GUCY2C: variants seen among roughly 807,000 people sequenced by gnomAD.
The protein encoded by GUCY2C is guanylyl cyclase C.
In GUCY2C, 118 loss-of-function variants were observed where a neutral mutation model predicts 131.1. The ratio of observed to expected loss-of-function variants is 0.90; its 90% CI spans 0.78 to 1.05. The LOEUF (loss-of-function observed/expected upper bound fraction) is 1.05. Among genes scored for constraint, GUCY2C ranks in the 50% least tolerant of loss-of-function variants. The pLI, the probability that GUCY2C is intolerant of heterozygous loss-of-function variation, is 0.00. For synonymous variants in GUCY2C, 452 were observed against 457.8 expected (o/e 0.99, Z 0.16); for missense variants, 1,161 against 1,304.4 (o/e 0.89, Z 1.69).
intron 7 of GUCY2C, among the ~76,000 whole-genome samples, chr12:14,674,967 T>G (rs1948196848): frequency 6.6e-6 from 1 of 151,992 alleles, no homozygotes; most frequent in Admixed American, 6.5e-5. Context: ...CCCAGCATTT[T>G]GGGAGGCTGA....
intron 12 of GUCY2C, among the ~76,000 whole-genome samples, chr12:14,654,626 G>T (rs183639591): frequency 6.6e-6 from 1 of 152,248 alleles, no homozygotes; most frequent in East Asian, 1.9e-4. Flanking sequence ...TATACTTCTA[G>T]GAATATTTAT....
intron 25 of GUCY2C, 55 bp from the exon 26 acceptor site, chr12:14,614,998 A>G (rs368245378): frequency 2.3e-5 from 20 of 864,666 alleles, no homozygotes; most frequent in Admixed American, 2.2e-4. Context: ...GTTCAGTTGT[A>G]GACCACTGTT....
intron 20 of GUCY2C, among the ~76,000 whole-genome samples, chr12:14,628,217 T>A (rs1300896091): frequency 6.6e-6 from 1 of 152,206 alleles, no homozygotes; most frequent in Admixed American, 6.5e-5. Context: ...CTCTGATTCA[T>A]GACATGTCTT....
intron 15 of GUCY2C, among the ~76,000 whole-genome samples, chr12:14,648,866 C>A (rs1297872430): frequency 6.6e-6 from 1 of 152,120 alleles, no homozygotes. Flanking sequence ...CAGATGAAGT[C>A]AGTTGTTATT....
At chr12:14,639,299 C>CAAA (rs34629608) in intron 19 of GUCY2C, among the ~76,000 whole-genome samples, 20 of 77,116 alleles carry the variant, frequency 2.6e-4, no homozygotes, top group Non-Finnish European at 3.1e-4. Flanking sequence ...GACTCCGTCT[C>CAAA]AAAAAAAAAA....
intron 9 of GUCY2C, chr12:14,672,172 C>CT (rs1173247826): frequency 3.9e-5 from 6 of 152,046 alleles, no homozygotes; most frequent in Non-Finnish European, 7.4e-5. Context: ...GGAACAGTGG[C>CT]TTTTATAGTT....
intron 6 of GUCY2C, 96 bp from the exon 7 acceptor site, chr12:14,677,067 G>A (rs1948249486): frequency 2.3e-6 from 1 of 428,838 alleles, no homozygotes. Flanking sequence ...ATTGAAAATA[G>A]TTTAAAACAT....
chr12:14,666,727 A>G (rs1299538240), intron 10 of GUCY2C, among the ~76,000 whole-genome samples: 1 of 59,178 alleles, frequency 1.7e-5, no homozygotes, highest in African/African-American at 6.4e-5. Flanking sequence ...ACAGCCAGAC[A>G]ATGTCTCCAA....
chr12:14,661,124 C>A, intron 10 of GUCY2C, 62 bp from the exon 11 acceptor site: 1 of 1,015,548 alleles, frequency 9.8e-7, no homozygotes, highest in South Asian at 1.3e-5. Flanking sequence ...TTCCAAGATT[C>A]TAGCTGTACA....
intron 10 of GUCY2C, among the ~76,000 whole-genome samples, chr12:14,667,848 T>C (rs1948012825): frequency 6.6e-6 from 1 of 152,150 alleles, no homozygotes; most frequent in Non-Finnish European, 1.5e-5. Context: ...TTTCTATGCA[T>C]TGTTTTACAA....
In GUCY2C at chr12:14,683,153, A is replaced by C; in HGVS notation, c.500T>G (p.Leu167Trp). 4.3e-6 allele frequency: 7 copies of C among 1,613,394 alleles called. No individual in the cohort carries two copies. The highest frequency in any genetic ancestry group is 5.9e-6 in the Non-Finnish European group (7 of 1,179,378). The change falls in exon 4 of 27, where the codon TTG (leucine) becomes TGG (tryptophan). Residue 167 changes from leucine to tryptophan, a missense_variant. Transcript: ENST00000261170. ...LTRLMSPARK[L>W]MYFLVNFWKT... ...CCAAAAGTTAACCAAGAAGTACATC[A>C]ACTTTCTAGCTGGAGACATCAGCCT... is the stretch of plus-strand genomic sequence containing the variant.
intron 1 of GUCY2C, among the ~76,000 whole-genome samples, chr12:14,688,373 A>G (rs1291079212): frequency 1.3e-5 from 2 of 152,260 alleles, no homozygotes; most frequent in Admixed American, 1.3e-4. Context: ...TAGTTGTGCA[A>G]CCATCCACAT....
Position 14,651,472 on chromosome 12 carries a change from C to T in GUCY2C, c.1645G>A (p.Gly549Ser), listed in dbSNP as rs367698688. 18 of 1,609,030 alleles carry T rather than the reference C, an allele frequency of 1.1e-5. No individual in the cohort carries two copies. The highest frequency in any genetic ancestry group is 4.5e-5 in the East Asian group (2 of 44,838). ...ATCATGGTATCAAGTTTCACTGTGCCGTAGAACTTGGTCAGGTTGTAATAG... is the reference window on the plus strand; with the variant it reads ...ATCATGGTATCAAGTTTCACTGTGCTGTAGAACTTGGTCAGGTTGTAATAG... ...IDYYNLTKFY[G>S]TVKLDTMIFG... Residue 549 changes from glycine (G) to serine (S), a missense_variant, in exon 15 of 27, where the codon GGC becomes AGC. Physicochemically the swap from Gly to Ser is moderately conservative, Grantham distance 56. Transcript: ENST00000261170.
chr12:14,687,699 C>T (rs1948498908), intron 2 of GUCY2C, among the ~76,000 whole-genome samples: 2 of 152,170 alleles, frequency 1.3e-5, no homozygotes, highest in Admixed American at 1.3e-4. Context: ...AATTCCTCTC[C>T]TTACAAATGA....
intron 17 of GUCY2C, among the ~76,000 whole-genome samples, chr12:14,642,927 G>C (rs984572821): frequency 3.3e-5 from 5 of 152,160 alleles, no homozygotes; most frequent in Non-Finnish European, 7.3e-5. Context: ...TTTGGATCTA[G>C]GTAGTATTTT....
intron 10 of GUCY2C, among the ~76,000 whole-genome samples, chr12:14,662,868 T>G (rs997869035): frequency 4.6e-5 from 7 of 152,126 alleles, no homozygotes; most frequent in African/African-American, 1.4e-4. Context: ...AGGAGAATTT[T>G]GGAGATGGGA....
At chr12:14,633,323 A>G (rs867937537) in intron 19 of GUCY2C, among the ~76,000 whole-genome samples, 6 of 152,320 alleles carry the variant, frequency 3.9e-5, no homozygotes, top group Middle Eastern at 3.4e-3. Flanking sequence ...AGATGAGTAA[A>G]TTATGTAGAG....
Position 14,619,303 on chromosome 12 carries a change from C to A in GUCY2C, c.2783G>T (p.Cys928Phe). ...WIRIGVHSGPCAAGVVGIKMP... is the reference protein window; with the variant it reads ...WIRIGVHSGPFAAGVVGIKMP... Reference sequence around the variant, plus strand: ...CTTGATTCCCACAACTCCAGCAGCACAGGGACCTGAAATGAAGGACAGAAA... The same window carrying A: ...CTTGATTCCCACAACTCCAGCAGCAAAGGGACCTGAAATGAAGGACAGAAA... Residue 928 changes from cysteine (C) to phenylalanine (F), a missense_variant, in exon 24 of 27, where the codon TGT becomes TTT. Cys to Phe is a radical substitution (Grantham distance 205). Transcript: ENST00000261170. 6.2e-7 allele frequency: 1 copy of A among 1,606,292 alleles called. No homozygotes were observed. Among genetic ancestry groups the A allele is most frequent in the Non-Finnish European group, 8.5e-7 (1 of 1,172,892 alleles).
chr12:14,635,454 C>A (rs576059548), intron 19 of GUCY2C, among the ~76,000 whole-genome samples: 1 of 151,886 alleles, frequency 6.6e-6, no homozygotes, highest in South Asian at 2.1e-4. Context: ...TGGGATACAG[C>A]GAAAGTACTG....
Sources: gnomAD v4.1 joint callset for allele counts (sites outside exome capture counted in the v4.1 genomes callset) on GRCh38, gnomAD v4.1.1 for gene constraint, MANE v1.5 for transcripts, NCBI Gene and HGNC (gene_info 2026-07-23, HGNC 2026-07-21) for gene names.